RAD18: variants seen among roughly 807,000 people sequenced by gnomAD.
The protein encoded by RAD18 is RAD18 E3 ubiquitin protein ligase.
A neutral mutation model predicts 60.4 loss-of-function variants in RAD18; 47 were observed. That is an observed-to-expected ratio of 0.78 (90% CI 0.62 to 0.99). RAD18 has a LOEUF of 0.99. RAD18 is among the 50% of genes least tolerant of loss of function. The probability of loss-of-function intolerance (pLI) is 0.00; values close to 1 mark genes in which losing one functional copy is unlikely to be tolerated. For missense variants in RAD18, 640 were observed against 593.3 expected, an observed-to-expected ratio of 1.08 and a Z score of -0.82; for synonymous variants, 225 against 195.5, an observed-to-expected ratio of 1.15 and a Z score of -1.26.
chr3:8,892,526 G>A (rs1307638883), intron 11 of RAD18, among the ~76,000 whole-genome samples: 2 of 152,080 alleles, frequency 1.3e-5, no homozygotes, highest in Non-Finnish European at 2.9e-5. Context: ...CTTTTAGTCA[G>A]CTTTTAGCCT....
chr3:8,891,094 A>G (rs6795019), intron 11 of RAD18, among the ~76,000 whole-genome samples: 30,139 of 132,174 alleles, frequency 0.23, 4,740 homozygotes, highest in African/African-American at 0.45. Context: ...ATATATATAT[A>G]TATCTGTGTT....
chr3:8,915,529 A>C (rs1383289303), intron 7 of RAD18, among the ~76,000 whole-genome samples: 1 of 152,076 alleles, frequency 6.6e-6, no homozygotes, highest in Non-Finnish European at 1.5e-5. Context: ...TGAAAATATA[A>C]AAATTTTGGG....
intron 1 of RAD18, among the ~76,000 whole-genome samples, chr3:8,962,913 A>C (rs1429792717): frequency 6.6e-6 from 1 of 152,194 alleles, no homozygotes; most frequent in Non-Finnish European, 1.5e-5. Context: ...CCTGTAAAGG[A>C]GACTACCTGC....
At chr3:8,950,950 A>T (rs1940917392) in intron 2 of RAD18, among the ~76,000 whole-genome samples, 1 of 152,204 alleles carries the variant, frequency 6.6e-6, no homozygotes, top group Admixed American at 6.5e-5. Flanking sequence ...TGTCAATGGA[A>T]ACCTCCAAAA....
intron 9 of RAD18, among the ~76,000 whole-genome samples, chr3:8,908,725 G>A (rs922875681): frequency 1.3e-4 from 20 of 152,138 alleles, no homozygotes; most frequent in Non-Finnish European, 2.8e-4. Context: ...TTAGAAATAA[G>A]TAATTAATTG....
chr3:8,900,607 G>A (rs1939892673), intron 10 of RAD18, among the ~76,000 whole-genome samples: 1 of 152,098 alleles, frequency 6.6e-6, no homozygotes, highest in African/African-American at 2.4e-5. Flanking sequence ...CGAAGAGTGA[G>A]GCTCAGACAT....
intron 7 of RAD18, among the ~76,000 whole-genome samples, chr3:8,921,976 T>C (rs1274379489): frequency 6.6e-6 from 1 of 152,198 alleles, no homozygotes; most frequent in Non-Finnish European, 1.5e-5. Context: ...GATGGCCGAA[T>C]AGGAACAGCT....
chr3:8,949,539 G>T (rs953370700), intron 2 of RAD18, among the ~76,000 whole-genome samples: 1 of 152,214 alleles, frequency 6.6e-6, no homozygotes, highest in Non-Finnish European at 1.5e-5. Context: ...GATTCAGCAT[G>T]TAAGGGGCTT....
chr3:8,961,971 A>C (rs934220074), intron 1 of RAD18, among the ~76,000 whole-genome samples: 2 of 152,228 alleles, frequency 1.3e-5, no homozygotes, highest in Non-Finnish European at 2.9e-5. Flanking sequence ...AAGGGGAAAG[A>C]AGCACTTAAC....
In RAD18 at chr3:8,927,192, T is replaced by G. The variant is rs183513217; in HGVS notation, c.889+8679A>C. 7.5e-3 allele frequency among the ~76,000 whole-genome samples: 1,134 copies of G among 152,178 alleles called. 17 individuals are homozygous for G. Among genetic ancestry groups the G allele is most frequent in the African/African-American group, 0.026 (1,070 of 41,514 alleles). On this transcript the variant is annotated intron_variant, in intron 7 of 12. Coordinates refer to ENST00000264926, the MANE Select transcript of RAD18 (RefSeq NM_020165.4). The stretch of plus-strand genomic sequence containing the variant: ...AAGGGCTAATATCCAGAATCTACAA[T>G]GAACTCCAACAAATTTACAAGAAAA...
intron 12 of RAD18, among the ~76,000 whole-genome samples, chr3:8,884,270 G>T (rs1186649511): frequency 6.6e-6 from 1 of 152,150 alleles, no homozygotes; most frequent in East Asian, 1.9e-4. Flanking sequence ...TTGAATAAAT[G>T]ACCCCTACCT....
intron 5 of RAD18, among the ~76,000 whole-genome samples, chr3:8,939,919 A>G (rs1182682275): frequency 6.6e-6 from 1 of 152,222 alleles, no homozygotes; most frequent in Non-Finnish European, 1.5e-5. Context: ...AAGTTCATTT[A>G]TTAAAAATGT....
intron 12 of RAD18, among the ~76,000 whole-genome samples, 161 bp from the exon 13 acceptor site, chr3:8,881,620 T>C (rs952949168): frequency 3.9e-5 from 6 of 152,254 alleles, no homozygotes; most frequent in African/African-American, 1.4e-4. Flanking sequence ...ATTTCCACTT[T>C]ATGAATTAGT....
At chr3:8,926,785 C>T (rs1940446116) in intron 7 of RAD18, among the ~76,000 whole-genome samples, 1 of 152,034 alleles carries the variant, frequency 6.6e-6, no homozygotes, top group Non-Finnish European at 1.5e-5. Flanking sequence ...CTTTGACAAA[C>T]CTGACAAAAA....
intron 9 of RAD18, among the ~76,000 whole-genome samples, chr3:8,905,505 A>T (rs1179930332): frequency 6.6e-6 from 1 of 152,208 alleles, no homozygotes; most frequent in African/African-American, 2.4e-5. Context: ...TACTTCTTCT[A>T]CTTTAAATCA....
chr3:8,951,935 A>C (rs987156559), intron 2 of RAD18, among the ~76,000 whole-genome samples: 7 of 152,310 alleles, frequency 4.6e-5, no homozygotes, highest in Middle Eastern at 3.4e-3. Flanking sequence ...TCCTCCCATG[A>C]GGGGGTGAGG....
At chr3:8,891,224 C>T (rs1482868999) in intron 11 of RAD18, among the ~76,000 whole-genome samples, 5 of 151,906 alleles carry the variant, frequency 3.3e-5, no homozygotes, top group East Asian at 1.9e-4. Flanking sequence ...ATGGGAGCTG[C>T]GGAGGATCAC....
chr3:8,953,882 A>C, intron 2 of RAD18, among the ~76,000 whole-genome samples: 1 of 152,198 alleles, frequency 6.6e-6, no homozygotes, highest in Non-Finnish European at 1.5e-5. Flanking sequence ...TAGAAGTAAA[A>C]AGCAATTTTA....
chr3:8,923,457 C>A (rs937287336), intron 7 of RAD18, among the ~76,000 whole-genome samples: 1 of 152,074 alleles, frequency 6.6e-6, no homozygotes, highest in East Asian at 1.9e-4. Flanking sequence ...CTGAAAGTGA[C>A]GGGGAGAATG....
Sources: allele counts gnomAD v4.1 joint callset (sites outside exome capture counted in the v4.1 genomes callset), GRCh38; gene constraint gnomAD v4.1.1; transcripts MANE v1.5; gene names NCBI Gene and HGNC (gene_info 2026-07-23, HGNC 2026-07-21).